Variants in ABCC9 observed in about 807,000 individuals in gnomAD.
ABCC9 encodes ATP binding cassette subfamily C member 9.
Under a neutral mutation model 188.3 loss-of-function variants are expected in ABCC9, and 95 were observed. The ratio of observed to expected loss-of-function variants is 0.50; its 90% CI spans 0.43 to 0.60. The LOEUF (loss-of-function observed/expected upper bound fraction) is 0.60. Ranked by LOEUF, ABCC9 falls within the 20% of genes least tolerant of loss-of-function variation. The pLI, the probability that ABCC9 is intolerant of heterozygous loss-of-function variation, is 0.00. For synonymous variants in ABCC9, 659 were observed against 652.7 expected (o/e 1.01, Z -0.15); for missense variants, 1,102 against 1,876.3 (o/e 0.59, Z 7.62).
chr12:21,802,789 A>C (rs1941546236), intron 39 of ABCC9, among the ~76,000 whole-genome samples: 1 of 152,122 alleles, frequency 6.6e-6, no homozygotes, highest in Non-Finnish European at 1.5e-5. Context: ...TTCTCTGAAC[A>C]TTCCAAAGTC....
At chr12:21,858,463 C>T (rs1219158038) in intron 22 of ABCC9, among the ~76,000 whole-genome samples, 3 of 151,420 alleles carry the variant, frequency 2.0e-5, no homozygotes, top group Non-Finnish European at 2.9e-5. Flanking sequence ...CCTGTAATCC[C>T]AGCTACTCAG....
At chr12:21,891,768 A>C (rs543659900) in intron 14 of ABCC9, among the ~76,000 whole-genome samples, 1 of 152,256 alleles carries the variant, frequency 6.6e-6, no homozygotes, top group South Asian at 2.1e-4. Flanking sequence ...TAGAATTTCC[A>C]CAGTTCCTGA....
chr12:21,872,906 T>A (rs17846797), intron 17 of ABCC9, among the ~76,000 whole-genome samples, 176 bp from the exon 18 acceptor site: 113 of 151,014 alleles, frequency 7.5e-4, no homozygotes, highest in Non-Finnish European at 1.2e-3. Flanking sequence ...AAAGGAAAAA[T>A]ATATATATAT....
At chr12:21,848,021 G>T in intron 25 of ABCC9, 129 bp downstream of exon 25, 2 of 757,188 alleles carry the variant, frequency 2.6e-6, no homozygotes, top group East Asian at 2.8e-5. Flanking sequence ...TCCATTTTCA[G>T]TATTACTTGA....
At chr12:21,911,834 A>G (rs1394607621) in intron 8 of ABCC9, among the ~76,000 whole-genome samples, 4 of 151,954 alleles carry the variant, frequency 2.6e-5, no homozygotes, top group Admixed American at 2.6e-4. Flanking sequence ...ATCCGTATGT[A>G]ATTAGGCTAG....
chr12:21,911,582 G>A (rs942214041), intron 8 of ABCC9, among the ~76,000 whole-genome samples: 1 of 151,942 alleles, frequency 6.6e-6, no homozygotes, highest in African/African-American at 2.4e-5. Context: ...ATTTTTGTTT[G>A]TAACAATAGC....
At chr12:21,805,636 A>T (rs1472724496) in intron 39 of ABCC9, among the ~76,000 whole-genome samples, 1 of 152,192 alleles carries the variant, frequency 6.6e-6, no homozygotes, top group Non-Finnish European at 1.5e-5. Context: ...ATAAGCAATC[A>T]AATTTAGGAA....
At chr12:21,921,984 T>A (rs1342488657) in intron 5 of ABCC9, among the ~76,000 whole-genome samples, 1 of 152,016 alleles carries the variant, frequency 6.6e-6, no homozygotes, top group Non-Finnish European at 1.5e-5. Context: ...CTTTGTAGTA[T>A]GAAATCAGGT....
chr12:21,812,707 G>C (rs1243875007), intron 35 of ABCC9, among the ~76,000 whole-genome samples: 3 of 152,074 alleles, frequency 2.0e-5, no homozygotes, highest in Non-Finnish European at 4.4e-5. Flanking sequence ...CGAGGGGTAG[G>C]GGGTTAGGGG....
chr12:21,859,818 A>C (rs1306693261), intron 21 of ABCC9, 152 bp from the exon 22 acceptor site: 1 of 748,798 alleles, frequency 1.3e-6, no homozygotes, highest in Non-Finnish European at 2.4e-6. Flanking sequence ...GAAAACATGG[A>C]AACTGTCTAC....
Position 21,913,019 on chromosome 12 carries a change from T to C in ABCC9, c.864A>G (p.Ala288=). Residue 288 remains alanine, a synonymous_variant, in exon 8 of 40, where the codon GCA becomes GCG. Coordinates refer to ENST00000261200, the MANE Select transcript of ABCC9 (RefSeq NM_020297.4). ...HPNRTPSIWL[A]MYRAFGRPIL... The stretch of plus-strand genomic sequence containing the variant: ...TTGGTCGCCCAAAAGCTCTGTACAT[T>C]GCAAGCCATATAGATGGAGTCCGAT... The C allele has an allele frequency of 6.2e-7, 1 of 1,611,262 alleles. No individual in the cohort carries two copies.
At position 21,852,151 on chromosome 12, in the gene ABCC9, C is replaced by A; in HGVS notation, c.2715G>T (p.Glu905Asp). The A allele has an allele frequency of 6.2e-7, 1 of 1,613,706 alleles. No homozygotes were observed. Residue 905 changes from glutamate to aspartate, a missense_variant, in exon 24 of 40, where the codon GAG becomes GAT. Glu to Asp is a conservative substitution (Grantham distance 45, BLOSUM62 2). Coordinates refer to ENST00000261200, the MANE Select transcript of ABCC9 (RefSeq NM_020297.4). ...TAAGTGTTTTCCAGTGTTCATAAAG[C>A]TCAACATCTTTGGTTTGAATGTCCT... ...TLKDIQTKDVELYEHWKTLMN... is the reference protein window; with the variant it reads ...TLKDIQTKDVDLYEHWKTLMN...
intron 18 of ABCC9, among the ~76,000 whole-genome samples, 165 bp downstream of exon 18, chr12:21,872,456 CTTTT>C (rs756184943): frequency 2.6e-5 from 4 of 151,920 alleles, no homozygotes; most frequent in Admixed American, 6.6e-5. Flanking sequence ...TGTTTTGTAA[CTTTT>C]TATTTATGAC....
chr12:21,832,616 T>TAAAAAA (rs371263458), intron 30 of ABCC9, among the ~76,000 whole-genome samples: 2 of 138,682 alleles, frequency 1.4e-5, no homozygotes, highest in African/African-American at 5.3e-5. Flanking sequence ...AGTTTAAAAA[T>TAAAAAA]AAAAAAAAAA....
intron 12 of ABCC9, among the ~76,000 whole-genome samples, chr12:21,904,033 A>G (rs1166856296): frequency 6.6e-6 from 1 of 152,214 alleles, no homozygotes. Context: ...AAACCATACT[A>G]CAAGGCTACA....
Position 21,830,240 on chromosome 12 carries a change from T to C in ABCC9, c.3567-1180A>G, listed in dbSNP as rs144979643. 7.2e-3 allele frequency among the ~76,000 whole-genome samples: 1,094 copies of C among 152,336 alleles called. 12 individuals carry two copies. The highest frequency in any genetic ancestry group is 0.025 in the African/African-American group (1,057 of 41,570). The stretch of plus-strand genomic sequence containing the variant: ...TTCATGTTACATGGTAGAAAAAATC[T>C]TCTCTAAATCACAACAATAGTCTCT... On this transcript the variant is annotated intron_variant, in intron 30 of 39. Coordinates refer to ENST00000261200, the MANE Select transcript of ABCC9 (RefSeq NM_020297.4).
rs994636422 is a variant in ABCC9, at chr12:21,805,345, A to G, written c.4512+653T>C. The G allele has an allele frequency of 4.4e-6, 7 of 1,602,654 alleles. No homozygotes were observed. The Admixed American group carries it at 1.0e-4, about 23-fold the overall frequency. On this transcript the variant is annotated intron_variant, in intron 39 of 39. Coordinates refer to ENST00000261200, the MANE Select transcript of ABCC9 (RefSeq NM_020297.4). ...AAAAATAGAAAAGAAGAGAATCAGC[A>G]GAAGGAAAAATGTCCAAGTGACTCA...
At chr12:21,914,549 T>C (rs1005883406) in intron 7 of ABCC9, among the ~76,000 whole-genome samples, 1 of 152,174 alleles carries the variant, frequency 6.6e-6, no homozygotes, top group Admixed American at 6.5e-5. Flanking sequence ...TTTTAATTTC[T>C]CCAAAGTGAT....
intron 12 of ABCC9, among the ~76,000 whole-genome samples, chr12:21,899,385 G>A (rs1947596413): frequency 6.6e-6 from 1 of 152,156 alleles, no homozygotes; most frequent in Non-Finnish European, 1.5e-5. Context: ...CAGTGTGAAC[G>A]ATGCAGAAGA....
Sources: allele counts gnomAD v4.1 joint callset (sites outside exome capture counted in the v4.1 genomes callset), GRCh38; gene constraint gnomAD v4.1.1; transcripts MANE v1.5; gene names NCBI Gene and HGNC (gene_info 2026-07-23, HGNC 2026-07-21).